Variants in PEAK1 observed in about 807,000 individuals in gnomAD.
PEAK1 encodes pseudopodium enriched atypical kinase 1, also known as inactive tyrosine-protein kinase PEAK1.
Under a neutral mutation model 124.7 loss-of-function variants are expected in PEAK1, and 54 were observed. The ratio of observed to expected loss-of-function variants is 0.43; its 90% CI spans 0.35 to 0.54. PEAK1 has a LOEUF of 0.54. Among genes scored for constraint, PEAK1 ranks in the 20% least tolerant of loss-of-function variants. The probability of loss-of-function intolerance (pLI) is 0.01; values close to 1 mark genes in which losing one functional copy is unlikely to be tolerated. For missense variants in PEAK1, 2,046 were observed against 2,134.5 expected (o/e 0.96, Z 0.82); for synonymous variants, 719 against 760.0 (o/e 0.95, Z 0.89).
At chr15:77,136,502 C>T (rs946332142) in intron 8 of PEAK1, among the ~76,000 whole-genome samples, 7 of 151,868 alleles carry the variant, frequency 4.6e-5, no homozygotes, top group African/African-American at 1.7e-4. Flanking sequence ...CCTGTCTCTA[C>T]TAAAAATACA....
At chr15:77,347,784 G>T (rs1289142633) in intron 2 of PEAK1, 15 of 984,182 alleles carry the variant, frequency 1.5e-5, no homozygotes, top group Non-Finnish European at 1.8e-5. Flanking sequence ...TTTAGTGAGT[G>T]TATAGATCAT....
Position 77,181,575 on chromosome 15 carries a change from T to C in PEAK1, c.352A>G (p.Asn118Asp), listed in dbSNP as rs1020652668. The C allele has an allele frequency of 3.1e-6, 5 of 1,614,044 alleles. No homozygotes were observed. In the African/African-American group the frequency reaches 5.3e-5, roughly 17 times the overall value. ...ATTCCTTCATCATCTTCATTATTATTGTTAAGTGGTTTCTGACTCAAGGCA... is the reference window on the plus strand; with the variant it reads ...ATTCCTTCATCATCTTCATTATTATCGTTAAGTGGTTTCTGACTCAAGGCA... ...RAALSQKPLN[N>D]NNEDDEGISH... The change falls in exon 7 of 10, where the codon AAT becomes GAT. Residue 118 changes from asparagine to aspartate, a missense_variant. Physicochemically the swap from Asn to Asp is conservative, Grantham distance 23 (BLOSUM62 1). Coordinates refer to ENST00000682557, the MANE Select transcript of PEAK1 (RefSeq NM_001385026.1).
intron 2 of PEAK1, among the ~76,000 whole-genome samples, chr15:77,328,730 T>C (rs2065723894): frequency 6.6e-6 from 1 of 152,124 alleles, no homozygotes; most frequent in South Asian, 2.1e-4. Context: ...CACACACAAT[T>C]CACAGAAAAG....
chr15:77,194,909 T>C (rs1179321645), intron 6 of PEAK1, among the ~76,000 whole-genome samples: 1 of 152,136 alleles, frequency 6.6e-6, no homozygotes, highest in Non-Finnish European at 1.5e-5. Flanking sequence ...CACTATATTT[T>C]AGAATAGCAC....
intron 8 of PEAK1, among the ~76,000 whole-genome samples, chr15:77,142,728 CAA>C (rs775082274): frequency 3.3e-5 from 5 of 152,084 alleles, no homozygotes; most frequent in Non-Finnish European, 5.9e-5. Context: ...AGAAGTCAGT[CAA>C]AAATGACCAC....
Position 77,247,468 on chromosome 15 carries a change from CTTTT to C in PEAK1, c.-115+4895_-115+4898del, listed in dbSNP as rs1343886304. On this transcript the variant is annotated intron_variant, in intron 6 of 9. Transcript: ENST00000682557. Reference sequence around the variant, plus strand: ...ATGGGGTTTTTAATTTTTTTTTTCTCTTTTTTCTTTTCTTTTCTTTTTTTTTTTT... The same window carrying C: ...ATGGGGTTTTTAATTTTTTTTTTCTCTTCTTTTCTTTTCTTTTTTTTTTTT... Among the ~76,000 whole-genome samples the C allele has an allele frequency of 2.5e-5, 3 of 120,424 alleles. No homozygotes were observed. The East Asian group carries it at 7.3e-4, about 29-fold the overall frequency. 79.0% of individuals were successfully genotyped at this position (120,424 alleles called of 152,430 possible).
intron 9 of PEAK1, among the ~76,000 whole-genome samples, chr15:77,129,599 C>T (rs928239665): frequency 1.3e-4 from 17 of 130,004 alleles, no homozygotes; most frequent in Admixed American, 5.3e-4. Context: ...CAATGACTGG[C>T]TATTTTTTTT....
intron 8 of PEAK1, among the ~76,000 whole-genome samples, chr15:77,148,969 G>T (rs1224818095): frequency 6.6e-6 from 1 of 152,060 alleles, no homozygotes; most frequent in Non-Finnish European, 1.5e-5. Flanking sequence ...AAAAAGAAGA[G>T]TATATTTTTG....
chr15:77,243,517 A>C (rs1877430176), intron 6 of PEAK1, among the ~76,000 whole-genome samples: 1 of 152,364 alleles, frequency 6.6e-6, no homozygotes, highest in Non-Finnish European at 1.5e-5. Context: ...TTTGAACAGT[A>C]GGTGGCACAG....
intron 2 of PEAK1, among the ~76,000 whole-genome samples, chr15:77,328,565 C>T (rs977151738): frequency 5.3e-5 from 8 of 152,252 alleles, no homozygotes; most frequent in Admixed American, 3.3e-4. Flanking sequence ...ATATACTAGG[C>T]ATAATGCTAG....
intron 6 of PEAK1, among the ~76,000 whole-genome samples, chr15:77,203,744 T>C (rs1003449949): frequency 4.0e-5 from 6 of 151,276 alleles, no homozygotes; most frequent in Non-Finnish European, 5.9e-5. Context: ...ACAGATACTA[T>C]ATCCTTCACA....
At chr15:77,223,046 A>T (rs1456055946) in intron 6 of PEAK1, among the ~76,000 whole-genome samples, 1 of 152,022 alleles carries the variant, frequency 6.6e-6, no homozygotes, top group Non-Finnish European at 1.5e-5. Flanking sequence ...TTTAGTATGT[A>T]TATGAAAATT....
chr15:77,282,439 A>C (rs905460090), intron 5 of PEAK1, among the ~76,000 whole-genome samples: 22 of 152,214 alleles, frequency 1.4e-4, no homozygotes, highest in Non-Finnish European at 1.5e-5. Flanking sequence ...CTTTATTGAA[A>C]TAGTTTAAAA....
intron 2 of PEAK1, among the ~76,000 whole-genome samples, chr15:77,321,117 C>A (rs1485441865): frequency 1.3e-5 from 2 of 152,180 alleles, no homozygotes; most frequent in Non-Finnish European, 2.9e-5. Flanking sequence ...CCACAATAAA[C>A]ATATGTGTGC....
At chr15:77,235,546 C>G (rs2060082517) in intron 6 of PEAK1, among the ~76,000 whole-genome samples, 1 of 152,026 alleles carries the variant, frequency 6.6e-6, no homozygotes, top group South Asian at 2.1e-4. Context: ...AGCAAACTAT[C>G]CAAGAAGAAG....
chr15:77,386,731 C>T (rs1357323156), intron 1 of PEAK1, among the ~76,000 whole-genome samples: 1 of 152,134 alleles, frequency 6.6e-6, no homozygotes, highest in African/African-American at 2.4e-5. Flanking sequence ...GTTGCTTTCC[C>T]CATGTCCCAC....
chr15:77,420,767 T>G, upstream of PEAK1: 1 of 398,362 alleles, frequency 2.5e-6, no homozygotes, highest in Admixed American at 4.4e-5. Flanking sequence ...ATTTTTCTTC[T>G]CACCGGAGCA....
At chr15:77,357,426 T>C (rs185438370) in intron 2 of PEAK1, among the ~76,000 whole-genome samples, 77 of 152,228 alleles carry the variant, frequency 5.1e-4, no homozygotes, top group Admixed American at 5.0e-3. Flanking sequence ...GCATGTGCCA[T>C]TACAACTGGC....
chr15:77,303,404 C>T (rs957857116), intron 2 of PEAK1, among the ~76,000 whole-genome samples: 2 of 152,128 alleles, frequency 1.3e-5, no homozygotes, highest in South Asian at 2.1e-4. Context: ...TGTTACTCCA[C>T]ATCCTCACCA....
Sources: allele counts gnomAD v4.1 joint callset (sites outside exome capture counted in the v4.1 genomes callset), GRCh38; gene constraint gnomAD v4.1.1; transcripts MANE v1.5; gene names NCBI Gene and HGNC (gene_info 2026-07-23, HGNC 2026-07-21).